Variants in RAB27A observed in about 807,000 individuals in gnomAD.
The protein encoded by RAB27A is ras-related protein Rab-27A.
Under a neutral mutation model 20.8 loss-of-function variants are expected in RAB27A, and 17 were observed. The ratio of observed to expected loss-of-function variants is 0.82; its 90% CI spans 0.56 to 1.23. The LOEUF (loss-of-function observed/expected upper bound fraction) is 1.23. Among genes scored for constraint, RAB27A ranks in the 50% most tolerant of loss-of-function variants. The pLI is 0.00. For synonymous variants in RAB27A, 85 were observed against 92.8 expected (o/e 0.92, Z 0.48); for missense variants, 277 against 266.7 (o/e 1.04, Z -0.27).
chr15:55,236,528 A>G (rs1461255698), intron 2 of RAB27A, among the ~76,000 whole-genome samples: 1 of 152,166 alleles, frequency 6.6e-6, no homozygotes, highest in Non-Finnish European at 1.5e-5. Context: ...ACCGACTAAA[A>G]CAAAAGTCCA....
chr15:55,223,851 A>C, intron 6 of RAB27A, 38 bp downstream of exon 6: 5 of 1,608,942 alleles, frequency 3.1e-6, no homozygotes, highest in Non-Finnish European at 4.2e-6. Context: ...GTTTATATTG[A>C]AAATGTTTTC....
At chr15:55,254,066 G>T (rs1896994571) in intron 2 of RAB27A, among the ~76,000 whole-genome samples, 1 of 152,112 alleles carries the variant, frequency 6.6e-6, no homozygotes, top group South Asian at 2.1e-4. Context: ...AGTAAAAAAG[G>T]TTTCAGAAGT....
At chr15:55,208,016 T>C (rs1330282365) in intron 6 of RAB27A, among the ~76,000 whole-genome samples, 2 of 152,208 alleles carry the variant, frequency 1.3e-5, no homozygotes, top group African/African-American at 2.4e-5. Flanking sequence ...GCTATCACAC[T>C]GGATAGTGCA....
chr15:55,239,323 G>A (rs1896389621), intron 2 of RAB27A, among the ~76,000 whole-genome samples: 1 of 152,174 alleles, frequency 6.6e-6, no homozygotes. Flanking sequence ...TGTTCAAACA[G>A]TTCAAAACTA....
rs1188210380 is a variant in RAB27A at position 55,274,815 on chromosome 15, T to TATATATATATATATATATAC, written c.-142-4532_-142-4531insGTATATATATATATATATAT. 9.4e-4 allele frequency among the ~76,000 whole-genome samples: 127 copies of TATATATATATATATATATAC among 135,070 alleles called. 2 individuals carry two copies. The highest frequency in any genetic ancestry group is 3.3e-3 in the African/African-American group (123 of 36,872). 88.6% of individuals were successfully genotyped at this position (135,070 alleles called of 152,430 possible). The stretch of plus-strand genomic sequence containing the variant: ...TAAATTATATATATATATATATATA[T>TATATATATATATATATATAC]ATATATATATGTATAGAGAGAGACA... On this transcript the variant is annotated intron_variant, in intron 1 of 6. Transcript: ENST00000336787.
intron 2 of RAB27A, among the ~76,000 whole-genome samples, chr15:55,259,031 G>A (rs992477697): frequency 6.6e-6 from 1 of 152,114 alleles, no homozygotes; most frequent in African/African-American, 2.4e-5. Flanking sequence ...AGCCAGGCTG[G>A]TCTCGAACTC....
In RAB27A at chr15:55,204,993, C is replaced by T. The variant is rs1432007833; in HGVS notation, c.*514G>A. On this transcript the variant is annotated 3_prime_UTR_variant, in exon 7 of 7. Coordinates refer to ENST00000336787, the MANE Select transcript of RAB27A (RefSeq NM_183235.3). ...AGAATGCTTACATAAAATTAATACTCAAAGACATTGAGCTGATGTGCATGT... is the reference window on the plus strand; with the variant it reads ...AGAATGCTTACATAAAATTAATACTTAAAGACATTGAGCTGATGTGCATGT... 2.3e-5 allele frequency: 4 copies of T among 174,580 alleles called. No homozygotes were observed. Among genetic ancestry groups the T allele is most frequent in the Non-Finnish European group, 4.9e-5 (4 of 81,054 alleles). The allele number at this position is 174,580 out of a possible 1,614,324, so 10.8% of individuals were successfully genotyped here.
Position 55,228,657 on chromosome 15 carries a change from A to G in RAB27A, c.295T>C (p.Phe99Leu), listed in dbSNP as rs1371541124. 1 of 1,613,860 alleles carries G rather than the reference A, an allele frequency of 6.2e-7. No homozygotes were observed. Among genetic ancestry groups the G allele is most frequent in the Non-Finnish European group, 8.5e-7 (1 of 1,179,746 alleles). The change falls in exon 5 of 7, where the codon TTT (phenylalanine) becomes CTT (leucine). Residue 99 changes from phenylalanine to leucine, a missense_variant. Coordinates refer to ENST00000336787, the MANE Select transcript of RAB27A (RefSeq NM_183235.3). The part of the protein sequence containing the change: ...FRDAMGFLLL[F>L]DLTNEQSFLN... ...AAACTTTGCTCATTTGTCAGATCAA[A>G]AAGTAGAAGAAAACCCATAGCATCT... is the stretch of plus-strand genomic sequence containing the variant.
At position 55,203,137 on chromosome 15, in the gene RAB27A, T is replaced by C. The variant is rs1173970921; in HGVS notation, c.*2370A>G. 6.6e-6 allele frequency: 1 copy of C among 152,204 alleles called. No individual in the cohort carries two copies. Among genetic ancestry groups the C allele is most frequent in the African/African-American group, 2.4e-5 (1 of 41,444 alleles). The allele number at this position is 152,204 out of a possible 1,614,324, so 9.4% of individuals were successfully genotyped here. Reference sequence around the variant, plus strand: ...CCAAAAAGAATACAGGTTATTTCAATAATTAAAGGTGGCTTTTGTGTGTGC... The same window carrying C: ...CCAAAAAGAATACAGGTTATTTCAACAATTAAAGGTGGCTTTTGTGTGTGC... On this transcript the variant is annotated 3_prime_UTR_variant, in exon 7 of 7. Coordinates refer to ENST00000336787, the MANE Select transcript of RAB27A (RefSeq NM_183235.3).
At position 55,274,822 on chromosome 15, in the gene RAB27A, A is replaced by G. The variant is rs551760028; in HGVS notation, c.-142-4538T>C. On this transcript the variant is annotated intron_variant, in intron 1 of 6. Transcript: ENST00000336787. ...TATATATATATATATATATATATAT[A>G]TATGTATAGAGAGAGACAGACAAAA... 1.8e-3 allele frequency among the ~76,000 whole-genome samples: 244 copies of G among 139,016 alleles called. 1 individual carries two copies. Among genetic ancestry groups the G allele is most frequent in the African/African-American group, 5.9e-3 (226 of 38,418 alleles). The allele number at this position is 139,016 out of a possible 152,430, so 91.2% of individuals were successfully genotyped here.
chr15:55,315,620 A>G (rs903484259), intron 1 of RAB27A, among the ~76,000 whole-genome samples: 1 of 152,250 alleles, frequency 6.6e-6, no homozygotes, highest in Non-Finnish European at 1.5e-5. Flanking sequence ...TCTCAAAAGA[A>G]GACATTTACG....
intron 2 of RAB27A, among the ~76,000 whole-genome samples, chr15:55,267,893 G>C (rs1897560564): frequency 6.6e-6 from 1 of 152,176 alleles, no homozygotes; most frequent in Admixed American, 6.5e-5. Flanking sequence ...GATTTCACCA[G>C]ACCGTTCCCT....
rs113726892 is a variant in RAB27A at position 55,217,539 on chromosome 15, C to A, written c.467+6350G>T. Among the ~76,000 whole-genome samples, 4 of 151,282 alleles carry A rather than the reference C, an allele frequency of 2.6e-5. No homozygotes were observed. The East Asian group carries it at 7.8e-4, about 29-fold the overall frequency. On this transcript the variant is annotated intron_variant, in intron 6 of 6. Transcript: ENST00000336787. ...AATTAGCTGGGCACAGTGGTGCACA[C>A]CTGTAGCCCCAGCTACTCGGGAGGG... is the stretch of plus-strand genomic sequence containing the variant.
chr15:55,304,497 T>A (rs561876486), intron 2 of RAB27A, among the ~76,000 whole-genome samples: 1 of 150,566 alleles, frequency 6.6e-6, no homozygotes, highest in South Asian at 2.1e-4. Flanking sequence ...AAAAAAGTCA[T>A]CTCCACTAGT....
chr15:55,244,448 G>A (rs1428721401), intron 2 of RAB27A, among the ~76,000 whole-genome samples: 2 of 152,170 alleles, frequency 1.3e-5, no homozygotes, highest in Non-Finnish European at 2.9e-5. Flanking sequence ...GATCACAGCA[G>A]TGCACAACAC....
At chr15:55,257,575 G>A (rs1897125200) in intron 2 of RAB27A, among the ~76,000 whole-genome samples, 1 of 152,214 alleles carries the variant, frequency 6.6e-6, no homozygotes, top group African/African-American at 2.4e-5. Context: ...AAATGTCAGG[G>A]AAGACAGCTA....
upstream of RAB27A, among the ~76,000 whole-genome samples, chr15:55,294,764 C>T (rs566226251): frequency 2.6e-5 from 4 of 151,760 alleles, no homozygotes; most frequent in African/African-American, 9.7e-5. Context: ...TCTTTATGAC[C>T]CTGGGTTTGG....
intron 2 of RAB27A, among the ~76,000 whole-genome samples, chr15:55,304,507 T>C (rs61498471): frequency 0.017 from 2,591 of 152,058 alleles, 72 homozygotes; most frequent in African/African-American, 0.059. Flanking sequence ...TCTCCACTAG[T>C]AATCATTCTC....
At chr15:55,234,056 C>T (rs1896153249) in intron 3 of RAB27A, among the ~76,000 whole-genome samples, 1 of 152,054 alleles carries the variant, frequency 6.6e-6, no homozygotes, top group Non-Finnish European at 1.5e-5. Flanking sequence ...GAATATGATC[C>T]ATTAAAGGAC....
Sources: allele counts gnomAD v4.1 joint callset (sites outside exome capture counted in the v4.1 genomes callset), GRCh38; gene constraint gnomAD v4.1.1; transcripts MANE v1.5; gene names NCBI Gene and HGNC (gene_info 2026-07-23, HGNC 2026-07-21).